The following BRPF3 variants were observed in gnomAD, a reference collection of about 807,000 sequenced individuals.
The protein encoded by BRPF3 is bromodomain and PHD finger-containing protein 3.
BRPF3 carries 18 observed loss-of-function variants against 102.0 expected under a neutral mutation model. The observed-to-expected ratio is 0.18, with a 90% CI of 0.12 to 0.26. The LOEUF is 0.26. Among genes scored for constraint, BRPF3 ranks in the 10% least tolerant of loss-of-function variants. The pLI is 1.00. For synonymous variants in BRPF3, 570 were observed against 614.2 expected (o/e 0.93, Z 1.06); for missense variants, 1,147 against 1,567.8 (o/e 0.73, Z 4.53).
chr6:36,198,235 C>T (rs568142684), intron 1 of BRPF3, among the ~76,000 whole-genome samples: 1 of 152,288 alleles, frequency 6.6e-6, no homozygotes, highest in South Asian at 2.1e-4. Context: ...TTGTTTCAGT[C>T]ACACTTTGGG....
chr6:36,201,153 C>T lies in BRPF3; in HGVS notation c.831C>T (p.Gly277=), dbSNP rs374253115. 206 of 1,614,018 alleles carry T rather than the reference C, an allele frequency of 1.3e-4. No homozygotes were observed. The highest frequency in any genetic ancestry group is 1.7e-4 in the Non-Finnish European group (202 of 1,180,040). ...VDCILCPNKG[G]AFKQTSDGHW... Reference sequence around the variant, plus strand: ...GCATCCTTTGCCCCAATAAGGGTGGCGCCTTCAAACAGACCAGTGATGGGC... The same window carrying T: ...GCATCCTTTGCCCCAATAAGGGTGGTGCCTTCAAACAGACCAGTGATGGGC... The change falls in exon 2 of 13, where the codon GGC becomes GGT. Residue 277 remains glycine, a synonymous_variant. Coordinates refer to ENST00000357641, the MANE Select transcript of BRPF3 (RefSeq NM_015695.3). This position sits in a 1 kb window ranked among gnomAD's most constrained non-coding sequence, Gnocchi z 5.1.
intron 11 of BRPF3, among the ~76,000 whole-genome samples, chr6:36,227,634 A>G (rs1245003870): frequency 6.6e-6 from 1 of 152,198 alleles, no homozygotes; most frequent in Non-Finnish European, 1.5e-5. Context: ...TCAAGAGGAA[A>G]CATATCAGAG....
Position 36,209,926 on chromosome 6 carries a change from C to A in BRPF3, c.1866+11C>A, listed in dbSNP as rs543203433. 1.2e-6 allele frequency: 2 copies of A among 1,613,590 alleles called. No individual in the cohort carries two copies. Among genetic ancestry groups the A allele is most frequent in the African/African-American group, 2.7e-5 (2 of 75,016 alleles). On this transcript the variant is annotated intron_variant, in intron 5 of 12. Coordinates refer to ENST00000357641, the MANE Select transcript of BRPF3 (RefSeq NM_015695.3). ...GTCAACTTGAGTGAGGCAAGTTCCC[C>A]CTACTTTCCAAGTAGTAAATTCTTC...
intron 3 of BRPF3, among the ~76,000 whole-genome samples, chr6:36,206,352 C>T (rs1451392084): frequency 6.6e-6 from 1 of 152,170 alleles, no homozygotes; most frequent in Non-Finnish European, 1.5e-5. Flanking sequence ...GGCTTTGGGG[C>T]AGGAATGTCT....
chr6:36,201,333 C>T lies in BRPF3; in HGVS notation c.1011C>T (p.Ile337=). 6.2e-7 allele frequency: 1 copy of T among 1,614,140 alleles called. No individual in the cohort carries two copies. Among genetic ancestry groups the T allele is most frequent in the Non-Finnish European group, 8.5e-7 (1 of 1,179,998 alleles). The change falls in exon 2 of 13, where the codon ATC becomes ATT. Residue 337 remains isoleucine, a synonymous_variant. Transcript: ENST00000357641. The surrounding 1 kb of genome is among the most constrained non-coding windows in gnomAD (Gnocchi z 5.1). The stretch of plus-strand genomic sequence containing the variant: ...AGCAGAAAGGGCTAGGTGCAGCCAT[C>T]CAGTGCCATAAGGTGAACTGCTACA... ...ICKQKGLGAA[I]QCHKVNCYTA...
In BRPF3 at chr6:36,214,003, G is replaced by T. The variant is rs1768229537; in HGVS notation, c.2606G>T (p.Ser869Ile). 3.1e-6 allele frequency: 5 copies of T among 1,613,668 alleles called. No homozygotes were observed. The highest frequency in any genetic ancestry group is 4.2e-6 in the Non-Finnish European group (5 of 1,180,010). ...LKPINDSKPP[S>I]RFLKPRKVEE... ...CCCATTAATGATAGCAAACCTCCAA[G>T]CAGGTTCCTAAAGCCCAGAAAGGTG... The change falls in exon 8 of 13, where the codon AGC becomes ATC. Residue 869 changes from serine (S) to isoleucine (I), a missense_variant. This residue lies in a region of BRPF3 where 379 missense variants were observed against 426.3 expected (regional missense o/e 0.89). Coordinates refer to ENST00000357641, the MANE Select transcript of BRPF3 (RefSeq NM_015695.3).
At chr6:36,223,822 A>G (rs1768637419) in intron 10 of BRPF3, among the ~76,000 whole-genome samples, 1 of 152,120 alleles carries the variant, frequency 6.6e-6, no homozygotes, top group African/African-American at 2.4e-5. Flanking sequence ...TTTTTCTCAG[A>G]ATAAATTCCC....
intron 7 of BRPF3, among the ~76,000 whole-genome samples, chr6:36,212,923 G>A (rs929676589): frequency 2.0e-5 from 3 of 151,750 alleles, no homozygotes; most frequent in Non-Finnish European, 2.9e-5. Context: ...ACTGTAGTCC[G>A]CAGTCCGGCC....
chr6:36,217,840 G>A (rs1401809777), intron 8 of BRPF3, 77 bp from the exon 9 acceptor site: 1 of 1,272,864 alleles, frequency 7.9e-7, no homozygotes, highest in East Asian at 2.4e-5. Flanking sequence ...GCCCTCCTGA[G>A]GTGGCTGCCT....
Position 36,196,832 on chromosome 6 carries a change from G to T in BRPF3, c.-165G>T, listed in dbSNP as rs943738508. 6.6e-6 allele frequency: 1 copy of T among 151,988 alleles called. No homozygotes were observed. Among genetic ancestry groups the T allele is most frequent in the Non-Finnish European group, 1.5e-5 (1 of 67,972 alleles). The allele number at this position is 151,988 out of a possible 1,614,324, so 9.4% of individuals were successfully genotyped here. On this transcript the variant is annotated 5_prime_UTR_variant, in exon 1 of 13. Coordinates refer to ENST00000357641, the MANE Select transcript of BRPF3 (RefSeq NM_015695.3). ...CCGGGCCGGGGCCCCAGCGCGGGCC[G>T]GGAGGGGGCACGGCGGAGGCCACGG...
At position 36,211,269 on chromosome 6, in the gene BRPF3, C is replaced by G; in HGVS notation, c.2191C>G (p.Leu731Val). The G allele has an allele frequency of 6.2e-7, 1 of 1,613,516 alleles. No homozygotes were observed. Among genetic ancestry groups the G allele is most frequent in the Non-Finnish European group, 8.5e-7 (1 of 1,179,582 alleles). The change falls in exon 7 of 13, where the codon CTC becomes GTC. Residue 731 changes from leucine (L) to valine (V), a missense_variant. Around this residue, in one of 11 missense-constraint regions of BRPF3, gnomAD observed 109 missense variants for 175.1 expected, o/e 0.62. Transcript: ENST00000357641. Reference sequence around the variant, plus strand: ...CTTCTCCCTGGCAGTGGACAACATCCTCATCCCAGAGAACCGGGCCCATTT... The same window carrying G: ...CTTCTCCCTGGCAGTGGACAACATCGTCATCCCAGAGAACCGGGCCCATTT... Reference protein sequence around the residue: ...RFSWEDVDNILIPENRAHLSP... With the variant: ...RFSWEDVDNIVIPENRAHLSP...
Position 36,200,171 on chromosome 6 carries a change from G to A in BRPF3, c.-26-126G>A. The A allele has an allele frequency of 8.4e-7, 1 of 1,196,682 alleles. No individual in the cohort carries two copies. The highest frequency in any genetic ancestry group is 1.1e-6 in the Non-Finnish European group (1 of 889,844). 74.1% of individuals were successfully genotyped at this position (1,196,682 alleles called of 1,614,324 possible). ...AAGTGAAGGAGCAAGCCATGTGGAT[G>A]CCTGAGGGGCAAGTTGTTCAGACAG... On this transcript the variant is annotated intron_variant, in intron 1 of 12. Coordinates refer to ENST00000357641, the MANE Select transcript of BRPF3 (RefSeq NM_015695.3). This position sits in a 1 kb window ranked among gnomAD's most constrained non-coding sequence, Gnocchi z 5.3.
Position 36,210,003 on chromosome 6 carries a change from G to A in BRPF3, c.1866+88G>A, listed in dbSNP as rs1768043975. On this transcript the variant is annotated intron_variant, in intron 5 of 12. Coordinates refer to ENST00000357641, the MANE Select transcript of BRPF3 (RefSeq NM_015695.3). This position sits in a 1 kb window ranked among gnomAD's most constrained non-coding sequence, Gnocchi z 4.7. ...CTAGGAAGGAGTTGGGCCACAGGGT[G>A]TACAAAACCAGGGGTAGGAGGGTGG... 3 of 1,551,608 alleles carry A rather than the reference G, an allele frequency of 1.9e-6. No individual in the cohort carries two copies. Among genetic ancestry groups the A allele is most frequent in the Admixed American group, 1.8e-5 (1 of 55,010 alleles).
rs1767697643 is a variant in BRPF3 at position 36,201,506 on chromosome 6, G to A, written c.1184G>A (p.Arg395Lys). Residue 395 changes from arginine to lysine, a missense_variant, in exon 2 of 13, where the codon AGG (arginine) becomes AAG (lysine). Around this residue, in one of 11 missense-constraint regions of BRPF3, gnomAD observed 157 missense variants for 163.6 expected, o/e 0.96. Transcript: ENST00000357641. The surrounding 1 kb of genome is among the most constrained non-coding windows in gnomAD (Gnocchi z 5.1). ...AHSPPGAATA[R>K]RKGDSPRSIS... ...TCGCCACCAGGTGCGGCCACTGCTA[G>A]GAGGAAGGGCGACTCCCCTAGAAGC... The A allele has an allele frequency of 6.2e-7, 1 of 1,614,110 alleles. No individual in the cohort carries two copies. Among genetic ancestry groups the A allele is most frequent in the African/African-American group, 1.3e-5 (1 of 74,936 alleles).
rs1195460430 is a variant in BRPF3, at chr6:36,200,757, T to G, written c.435T>G (p.Pro145=). The part of the protein sequence containing the change: ...AAYYRYIEKP[P]EDLDAEVEYD... ...ACTACCGCTACATTGAGAAGCCACC[T>G]GAAGACCTGGATGCAGAGGTAGAGT... Residue 145 remains proline, a synonymous_variant, in exon 2 of 13, where the codon CCT becomes CCG. Coordinates refer to ENST00000357641, the MANE Select transcript of BRPF3 (RefSeq NM_015695.3). This position sits in a 1 kb window ranked among gnomAD's most constrained non-coding sequence, Gnocchi z 5.3. 5.6e-6 allele frequency: 9 copies of G among 1,614,044 alleles called. No homozygotes were observed. Among genetic ancestry groups the G allele is most frequent in the African/African-American group, 1.3e-5 (1 of 74,916 alleles).
intron 12 of BRPF3, among the ~76,000 whole-genome samples, 189 bp downstream of exon 12, chr6:36,229,245 A>C (rs1768850493): frequency 6.6e-6 from 1 of 152,184 alleles, no homozygotes. Context: ...TTCCCTGGGA[A>C]ACACTCTGAG....
At chr6:36,213,792 T>C in intron 7 of BRPF3, 88 bp from the exon 8 acceptor site, 1 of 1,344,538 alleles carries the variant, frequency 7.4e-7, no homozygotes, top group Non-Finnish European at 1.0e-6. Flanking sequence ...GCCAATGCTT[T>C]TGGTCCTTGG....
At position 36,214,094 on chromosome 6, in the gene BRPF3, C is replaced by T. The variant is rs1226372703; in HGVS notation, c.2697C>T (p.Leu899=). 1.2e-6 allele frequency: 2 copies of T among 1,614,098 alleles called. No homozygotes were observed. Among genetic ancestry groups the T allele is most frequent in the African/African-American group, 1.3e-5 (1 of 74,950 alleles). ...GGAATGAGCCTTTGCAACGCTTGCT[C>T]AGTGACAATGGCATCAACAGACTAT... The part of the protein sequence containing the change: ...QLGNEPLQRL[L]SDNGINRLSL... Residue 899 remains leucine, a synonymous_variant, in exon 8 of 13, where the codon CTC becomes CTT. Coordinates refer to ENST00000357641, the MANE Select transcript of BRPF3 (RefSeq NM_015695.3).
Position 36,232,774 on chromosome 6 carries a change from T to C in BRPF3, c.*2165T>C, listed in dbSNP as rs898695954. 4.6e-5 allele frequency: 7 copies of C among 152,352 alleles called. No individual in the cohort carries two copies. The highest frequency in any genetic ancestry group is 1.7e-4 in the African/African-American group (7 of 41,452). The allele number at this position is 152,352 out of a possible 1,614,324, so 9.4% of individuals were successfully genotyped here. A position where few individuals can be genotyped will look rare whatever the true frequency, so the allele number is the denominator to read the frequency against. On this transcript the variant is annotated 3_prime_UTR_variant, in exon 13 of 13. Transcript: ENST00000357641. The stretch of plus-strand genomic sequence containing the variant: ...ACTTATTTTCTCTCTGAGAAATAAA[T>C]GTTCTAATGGGCAGTAGTTGCTGTG...
Sources: allele counts gnomAD v4.1 joint callset (sites outside exome capture counted in the v4.1 genomes callset), GRCh38; gene constraint gnomAD v4.1.1; regional missense constraint gnomAD v4.1.1; non-coding constraint Gnocchi (gnomAD v3.1); transcripts MANE v1.5; gene names NCBI Gene and HGNC (gene_info 2026-07-23, HGNC 2026-07-21).